PDE7B: variants seen among roughly 807,000 people sequenced by gnomAD.
PDE7B encodes the protein phosphodiesterase 7B.
Under a neutral mutation model 56.2 loss-of-function variants are expected in PDE7B, and 29 were observed. The observed-to-expected ratio is 0.52, with a 90% CI of 0.38 to 0.70. The LOEUF (loss-of-function observed/expected upper bound fraction) is 0.70. Ranked by LOEUF, PDE7B falls within the 30% of genes least tolerant of loss-of-function variation. The probability of loss-of-function intolerance (pLI) is 0.00; values close to 1 mark genes in which losing one functional copy is unlikely to be tolerated. For synonymous variants in PDE7B, 197 were observed against 196.9 expected (o/e 1.00, Z 0.00); for missense variants, 490 against 565.0 (o/e 0.87, Z 1.35).
intron 2 of PDE7B, among the ~76,000 whole-genome samples, chr6:135,967,039 G>C (rs562370028): frequency 2.1e-4 from 32 of 152,126 alleles, no homozygotes; most frequent in Non-Finnish European, 4.0e-4. Context: ...CAGTGGCATT[G>C]TTTTACAAAC....
At chr6:135,931,944 C>G (rs578190760) in intron 1 of PDE7B, among the ~76,000 whole-genome samples, 3 of 54,562 alleles carry the variant, frequency 5.5e-5, no homozygotes, top group South Asian at 6.6e-4. Context: ...CGCACACACA[C>G]ACGCGCGCGC....
intron 2 of PDE7B, among the ~76,000 whole-genome samples, chr6:136,058,079 T>C (rs746056764): frequency 6.6e-6 from 1 of 152,114 alleles, no homozygotes; most frequent in Non-Finnish European, 1.5e-5. Context: ...CTATAACACA[T>C]TGCCATTAGA....
chr6:135,977,000 T>C (rs1389714527), intron 2 of PDE7B, among the ~76,000 whole-genome samples: 1 of 152,102 alleles, frequency 6.6e-6, no homozygotes, highest in East Asian at 1.9e-4. Flanking sequence ...TCCTCTGAAT[T>C]CTGTGTATTC....
At chr6:136,026,078 G>A (rs2128208561) in intron 2 of PDE7B, among the ~76,000 whole-genome samples, 2 of 152,294 alleles carry the variant, frequency 1.3e-5, no homozygotes, top group South Asian at 4.1e-4. Flanking sequence ...ATCGAGGTCA[G>A]AGACAGCGGA....
rs1157774840 is a variant in PDE7B at position 135,851,969 on chromosome 6, CA to C, written c.-27del. ...CACCGCTCAGAGATTTCACGGCATT[CA>C]AAGGTCACAGAACTGCCACTATGGT... is the stretch of plus-strand genomic sequence containing the variant. On this transcript the variant is annotated 5_prime_UTR_variant, in exon 1 of 13. The change creates a premature stop within an existing upstream ORF in the 5' untranslated region. Coordinates refer to ENST00000308191, the MANE Select transcript of PDE7B (RefSeq NM_018945.4). 1.3e-6 allele frequency: 2 copies of C among 1,589,266 alleles called. No individual in the cohort carries two copies. The highest frequency in any genetic ancestry group is 8.6e-7 in the Non-Finnish European group (1 of 1,157,878).
intron 1 of PDE7B, among the ~76,000 whole-genome samples, chr6:135,917,674 A>T (rs1360142397): frequency 6.6e-6 from 1 of 151,494 alleles, no homozygotes; most frequent in African/African-American, 2.4e-5. Context: ...AAATTTTTTG[A>T]TATGCTGGAT....
At chr6:136,000,980 CG>C (rs1562465069) in intron 2 of PDE7B, among the ~76,000 whole-genome samples, 1 of 152,132 alleles carries the variant, frequency 6.6e-6, no homozygotes, top group African/African-American at 2.4e-5. Flanking sequence ...CTCACACAGC[CG>C]GGTACTCCTC....
chr6:135,894,709 C>T (rs1775867095), intron 1 of PDE7B, among the ~76,000 whole-genome samples: 1 of 152,116 alleles, frequency 6.6e-6, no homozygotes, highest in Non-Finnish European at 1.5e-5. Flanking sequence ...TAACTTTCCA[C>T]CCAGCTACGT....
intron 2 of PDE7B, among the ~76,000 whole-genome samples, chr6:136,004,930 A>G (rs1450518523): frequency 6.6e-6 from 1 of 152,146 alleles, no homozygotes; most frequent in African/African-American, 2.4e-5. Context: ...AGCTGGAGGC[A>G]TCACGCTACC....
chr6:136,192,098 C>T lies in PDE7B; in HGVS notation c.*258C>T, dbSNP rs555135261. ...GGAGCTGATCCCACGGGCAGGCTCT[C>T]CCTGCTCCAGGAGAAGACTAGGAGG... On this transcript the variant is annotated 3_prime_UTR_variant, in exon 13 of 13. Coordinates refer to ENST00000308191, the MANE Select transcript of PDE7B (RefSeq NM_018945.4). 1.6e-5 allele frequency: 8 copies of T among 503,668 alleles called. No homozygotes were observed. The South Asian group carries it at 1.7e-4, about 11-fold the overall frequency. The allele number at this position is 503,668 out of a possible 1,614,324, so 31.2% of individuals were successfully genotyped here.
chr6:136,183,200 C>T (rs574116964), intron 11 of PDE7B, among the ~76,000 whole-genome samples: 65 of 152,002 alleles, frequency 4.3e-4, no homozygotes, highest in African/African-American at 1.5e-3. Context: ...TTCCATGTAC[C>T]TTCCTCTGGC....
intron 1 of PDE7B, among the ~76,000 whole-genome samples, chr6:135,939,456 T>C (rs1774473455): frequency 6.6e-6 from 1 of 152,148 alleles, no homozygotes; most frequent in Non-Finnish European, 1.5e-5. Flanking sequence ...TGCAATGGGA[T>C]AGAAATCTGC....
In PDE7B at chr6:135,871,749, A is replaced by T. The variant is rs574527431; in HGVS notation, c.21+19730A>T. 7.1e-4 allele frequency among the ~76,000 whole-genome samples: 106 copies of T among 149,922 alleles called. 3 individuals carry two copies. In the South Asian group the frequency reaches 0.022, roughly 30 times the overall value. On this transcript the variant is annotated intron_variant, in intron 1 of 12. Coordinates refer to ENST00000308191, the MANE Select transcript of PDE7B (RefSeq NM_018945.4). ...ATATTGGCTACAATAATCACTTTCA[A>T]TGTTGTCGTAAGGATAGGTGTATAC...
intron 1 of PDE7B, among the ~76,000 whole-genome samples, chr6:135,894,687 G>A (rs992798117): frequency 1.3e-5 from 2 of 152,092 alleles, no homozygotes; most frequent in Non-Finnish European, 1.5e-5. Flanking sequence ...AAGGGGTTGC[G>A]TGGCTGATGT....
chr6:136,156,375 CA>C (rs977637384), intron 8 of PDE7B, among the ~76,000 whole-genome samples: 1 of 152,202 alleles, frequency 6.6e-6, no homozygotes, highest in Non-Finnish European at 1.5e-5. Flanking sequence ...TTCATAGGGA[CA>C]AGGTCTCACT....
At chr6:136,054,315 G>T (rs546081047) in intron 2 of PDE7B, among the ~76,000 whole-genome samples, 1 of 151,916 alleles carries the variant, frequency 6.6e-6, no homozygotes, top group African/African-American at 2.4e-5. Context: ...ATAGGGAATC[G>T]TTTCCCCATT....
intron 3 of PDE7B, among the ~76,000 whole-genome samples, chr6:136,111,946 C>A (rs1040481995): frequency 2.6e-5 from 4 of 152,002 alleles, no homozygotes; most frequent in African/African-American, 9.7e-5. Flanking sequence ...TTTTTTTAAA[C>A]CATTTATAGG....
intron 2 of PDE7B, among the ~76,000 whole-genome samples, chr6:136,107,407 T>C (rs566209338): frequency 2.0e-5 from 3 of 152,334 alleles, no homozygotes; most frequent in South Asian, 4.1e-4. Flanking sequence ...TTATATATAA[T>C]AACTGGTGAA....
chr6:136,020,888 A>G (rs1776059319), intron 2 of PDE7B, among the ~76,000 whole-genome samples: 2 of 152,208 alleles, frequency 1.3e-5, no homozygotes, highest in Admixed American at 6.5e-5. Flanking sequence ...TAACAATAGT[A>G]TTGTGCAATA....
Sources: gnomAD v4.1 joint callset for allele counts (sites outside exome capture counted in the v4.1 genomes callset) on GRCh38, gnomAD v4.1.1 for gene constraint, MANE v1.5 for transcripts, NCBI Gene and HGNC (gene_info 2026-07-23, HGNC 2026-07-21) for gene names.